The following ABR variants were observed in gnomAD, a reference collection of about 807,000 sequenced individuals.
ABR encodes ABR activator of RhoGEF and GTPase.
A neutral mutation model predicts 107.2 loss-of-function variants in ABR; 35 were observed. That is an observed-to-expected ratio of 0.33 (90% CI 0.25 to 0.43). ABR has a LOEUF of 0.43. Among genes scored for constraint, ABR ranks in the 20% least tolerant of loss-of-function variants. ABR has a pLI of 1.00. For synonymous variants in ABR, 498 were observed against 462.0 expected (o/e 1.08, Z -1.00); for missense variants, 815 against 1,115.2 (o/e 0.73, Z 3.83).
rs71148438 is a variant in ABR, at chr17:1,153,362, TGGCACACCTGCGGGAGGGCTGGGGATCCA to T, written c.61+26276_61+26304del. 5.9e-3 allele frequency among the ~76,000 whole-genome samples: 877 copies of T among 148,404 alleles called. 85 individuals carry two copies. Among genetic ancestry groups the T allele is most frequent in the East Asian group, 7.4e-3 (36 of 4,888 alleles). The stretch of plus-strand genomic sequence containing the variant: ...AGTGCCCATCATGCCCCCCAGCAGA[TGGCACACCTGCGGGAGGGCTGGGGATCCA>T]GGCACACCTGCGGGAGGGCTGGGGG... On this transcript the variant is annotated intron_variant, in intron 1 of 22. Coordinates refer to ENST00000302538, the MANE Select transcript of ABR (RefSeq NM_021962.5).
chr17:1,018,194 C>T (rs561446007), intron 16 of ABR, among the ~76,000 whole-genome samples: 40 of 152,192 alleles, frequency 2.6e-4, no homozygotes, highest in African/African-American at 6.0e-4. Context: ...AGGCGCCCGC[C>T]ACCACCCCCG....
intron 1 of ABR, among the ~76,000 whole-genome samples, chr17:1,193,304 C>A (rs543104884): frequency 2.1e-4 from 32 of 150,292 alleles, no homozygotes; most frequent in Non-Finnish European, 1.6e-4. Flanking sequence ...ATTCAGGACT[C>A]CCCCGCTCTC....
chr17:1,155,440 A>G (rs565014063), intron 1 of ABR, among the ~76,000 whole-genome samples: 4 of 152,342 alleles, frequency 2.6e-5, no homozygotes, highest in Non-Finnish European at 5.9e-5. Context: ...AGCTAAAGCT[A>G]AACAACATGT....
intron 1 of ABR, among the ~76,000 whole-genome samples, chr17:1,194,390 G>T (rs1367553929): frequency 6.6e-6 from 1 of 151,408 alleles, no homozygotes; most frequent in Admixed American, 6.6e-5. Flanking sequence ...GTAGAGAGGG[G>T]TTTCACCATG....
At chr17:1,106,678 C>T (rs977032737) in intron 2 of ABR, among the ~76,000 whole-genome samples, 2 of 152,010 alleles carry the variant, frequency 1.3e-5, no homozygotes, top group Non-Finnish European at 2.9e-5. Flanking sequence ...TACAGACGCC[C>T]ACCACTACGC....
At chr17:1,191,809 G>A (rs1295550020), upstream of ABR, among the ~76,000 whole-genome samples, 5 of 152,136 alleles carry the variant, frequency 3.3e-5, no homozygotes, top group East Asian at 5.8e-4. Context: ...TCAGGACTCT[G>A]CATGTATTAA....
At chr17:1,030,930 G>GGCCCCAAGCCA (rs1425880303) in intron 16 of ABR, among the ~76,000 whole-genome samples, 7 of 152,218 alleles carry the variant, frequency 4.6e-5, no homozygotes, top group African/African-American at 1.7e-4. Flanking sequence ...CTGATGCCAG[G>GGCCCCAAGCCA]GCCCCAAGCC....
rs796580737 is a variant in ABR at position 1,101,734 on chromosome 17, C to CTT, written c.247-1001_247-1000dup. 2.3e-3 allele frequency among the ~76,000 whole-genome samples: 321 copies of CTT among 140,816 alleles called. 1 individual carries two copies. The highest frequency in any genetic ancestry group is 7.8e-3 in the African/African-American group (302 of 38,694). 92.4% of individuals were successfully genotyped at this position (140,816 alleles called of 152,430 possible). A position where few individuals can be genotyped will look rare whatever the true frequency, so the allele number is the denominator to read the frequency against. On this transcript the variant is annotated intron_variant, in intron 2 of 22. Coordinates refer to ENST00000302538, the MANE Select transcript of ABR (RefSeq NM_021962.5). ...CTAGTGGGAAAGACATTTATTTTTTCTTTTTTTTTTTTTTTTAGAGACGGA... is the reference window on the plus strand; with the variant it reads ...CTAGTGGGAAAGACATTTATTTTTTCTTTTTTTTTTTTTTTTTTAGAGACGGA...
At chr17:1,120,801 T>C (rs1393658165) in intron 2 of ABR, among the ~76,000 whole-genome samples, 2 of 151,556 alleles carry the variant, frequency 1.3e-5, no homozygotes, top group Non-Finnish European at 2.9e-5. Context: ...TGGTGGGGAG[T>C]CATGAGTGAC....
At chr17:1,151,214 C>T (rs972597242) in intron 1 of ABR, among the ~76,000 whole-genome samples, 8 of 152,164 alleles carry the variant, frequency 5.3e-5, no homozygotes, top group African/African-American at 7.2e-5. Flanking sequence ...GGATTAGTTC[C>T]TATTACCACA....
At chr17:1,204,688 CTATATCA>C (rs1462524399) in intron 1 of ABR, among the ~76,000 whole-genome samples, 3 of 152,220 alleles carry the variant, frequency 2.0e-5, no homozygotes, top group East Asian at 3.9e-4. Flanking sequence ...AGTAAGCTGT[CTATATCA>C]TATATCATAT....
intron 1 of ABR, among the ~76,000 whole-genome samples, chr17:1,152,240 G>A (rs551012998): frequency 4.0e-5 from 6 of 150,534 alleles, no homozygotes; most frequent in Non-Finnish European, 7.4e-5. Flanking sequence ...CCGAGATCGC[G>A]CCACTGCGCT....
At chr17:1,057,838 G>A (rs1401194159) in intron 12 of ABR, 132 bp downstream of exon 12, 3 of 747,518 alleles carry the variant, frequency 4.0e-6, no homozygotes, top group Non-Finnish European at 4.7e-6. Flanking sequence ...ATCCTTAAAC[G>A]CTCACCCTGG....
At chr17:1,013,044 C>T in intron 17 of ABR, 61 bp downstream of exon 17, 1 of 1,594,070 alleles carries the variant, frequency 6.3e-7, no homozygotes, top group Non-Finnish European at 8.6e-7. Context: ...GGCTGCCCAC[C>T]TGCTGCACAG....
At chr17:1,068,418 T>C (rs1233107604) in intron 9 of ABR, among the ~76,000 whole-genome samples, 3 of 152,142 alleles carry the variant, frequency 2.0e-5, no homozygotes, top group Non-Finnish European at 4.4e-5. Context: ...TGTAACACAC[T>C]GGCTGTGGAG....
At chr17:1,057,700 T>C (rs2033493618) in intron 12 of ABR, 1 of 422,966 alleles carries the variant, frequency 2.4e-6, no homozygotes, top group Admixed American at 3.5e-5. Flanking sequence ...TGTGTGTGTG[T>C]GTGAGAGAGA....
At chr17:1,090,205 A>G (rs2036925816) in intron 4 of ABR, among the ~76,000 whole-genome samples, 1 of 152,212 alleles carries the variant, frequency 6.6e-6, no homozygotes. Context: ...CTGGGAACTG[A>G]GAACAGAAAG....
At position 1,051,794 on chromosome 17, in the gene ABR, C is replaced by A. The variant is rs1432645626; in HGVS notation, c.1562-1160G>T. Among the ~76,000 whole-genome samples, 2 of 152,138 alleles carry A rather than the reference C, an allele frequency of 1.3e-5. No individual in the cohort carries two copies. The highest frequency in any genetic ancestry group is 2.9e-5 in the Non-Finnish European group (2 of 68,016). On this transcript the variant is annotated intron_variant, in intron 14 of 22. Transcript: ENST00000302538. The surrounding 1 kb of genome is among the most constrained non-coding windows in gnomAD (Gnocchi z 4.3). ...TCTCCATCAGAACAGCTTTCCTGGC[C>A]GGGCAAGGTGGCTCACGCCTGTAAA...
At chr17:1,102,355 A>G (rs1485213504) in intron 2 of ABR, among the ~76,000 whole-genome samples, 1 of 152,176 alleles carries the variant, frequency 6.6e-6, no homozygotes, top group Admixed American at 6.5e-5. Flanking sequence ...CTACACTGGT[A>G]GGTTTGAAGA....
Sources: allele counts gnomAD v4.1 joint callset (sites outside exome capture counted in the v4.1 genomes callset), GRCh38; gene constraint gnomAD v4.1.1; non-coding constraint Gnocchi (gnomAD v3.1); transcripts MANE v1.5; gene names NCBI Gene and HGNC (gene_info 2026-07-23, HGNC 2026-07-21).